The following ZNF575 variants were observed in gnomAD, a reference collection of about 807,000 sequenced individuals.
ZNF575 encodes zinc finger protein 575.
Under a neutral mutation model 17.5 loss-of-function variants are expected in ZNF575, and 17 were observed. The observed-to-expected ratio is 0.97, with a 90% CI of 0.66 to 1.45. The LOEUF (loss-of-function observed/expected upper bound fraction) is 1.45, where lower values mean the gene tolerates loss of function less well. Ranked by LOEUF, ZNF575 falls within the 40% of genes most tolerant of loss-of-function variation. The pLI is 0.00. For synonymous variants in ZNF575, 146 were observed against 158.3 expected, an observed-to-expected ratio of 0.92 and a Z score of 0.58; for missense variants, 352 against 359.2, an observed-to-expected ratio of 0.98 and a Z score of 0.16.
chr19:43,532,187 CCTGA>C (rs113222875), upstream of ZNF575, among the ~76,000 whole-genome samples: 56,733 of 151,004 alleles, frequency 0.38, 11,042 homozygotes, highest in Non-Finnish European at 0.43. Context: ...TGCCACCATG[CCTGA>C]CTAATTTTTG....
intron 1 of ZNF575, 119 bp downstream of exon 1, chr19:43,533,640 C>G (rs1021008149): frequency 6.6e-6 from 1 of 152,460 alleles, no homozygotes; most frequent in African/African-American, 2.4e-5. Context: ...AGGGACTGTG[C>G]ATTGGTGCCA....
At chr19:43,531,941 A>ACTTTTTTTTTTTT (rs1972349756), upstream of ZNF575, 1 of 172,258 alleles carries the variant, frequency 5.8e-6, no homozygotes, top group Non-Finnish European at 1.1e-5. Flanking sequence ...ATTAAGCCAG[A>ACTTTTTTTTTTTT]CTTTTTTTTT....
rs535867757 is a variant in ZNF575, at chr19:43,535,676, G to GA, written c.728dup (p.Arg244GlufsTer25). 1.1e-4 allele frequency: 174 copies of GA among 1,607,154 alleles called. 1 individual carries two copies. The East Asian group carries it at 3.8e-3, about 35-fold the overall frequency. On this transcript the variant is annotated frameshift_variant, in exon 4 of 4. Transcript: ENST00000314228. LOFTEE classifies it high-confidence loss of function. The stretch of plus-strand genomic sequence containing the variant: ...CCACCACCAGGTGGAGCACAAGGGG[G>GA]AGAGAGACTGAGCCCTCCCTTGGCT...
Position 43,534,450 on chromosome 19 carries a change from G to A in ZNF575, c.28G>A (p.Ala10Thr). Residue 10 changes from alanine to threonine, a missense_variant, in exon 3 of 4, where the codon GCC becomes ACC. Ala to Thr is a moderately conservative substitution (Grantham distance 58). Transcript: ENST00000314228. ...GCTGGAGCGAGGCGCGGAGTCCGCG[G>A]CCGGGGCTACCGATCCTAGTCCCAC... is the stretch of plus-strand genomic sequence containing the variant. MLERGAESA[A>T]GATDPSPTGK... 1 of 1,541,918 alleles carries A rather than the reference G, an allele frequency of 6.5e-7. No individual in the cohort carries two copies. The highest frequency in any genetic ancestry group is 1.2e-5 in the South Asian group (1 of 81,698).
chr19:43,531,941 A>ATTTTTTTTTTT (rs1972349585), upstream of ZNF575: 8 of 173,092 alleles, frequency 4.6e-5, no homozygotes, highest in African/African-American at 3.4e-4. Flanking sequence ...ATTAAGCCAG[A>ATTTTTTTTTTT]CTTTTTTTTT....
chr19:43,530,859 C>T (rs1377271461), upstream of ZNF575, among the ~76,000 whole-genome samples: 1 of 152,138 alleles, frequency 6.6e-6, no homozygotes, highest in Non-Finnish European at 1.5e-5. Flanking sequence ...AATTAATGCA[C>T]ATAAGGACAG....
In ZNF575 at chr19:43,535,716, G is replaced by C. The variant is rs1270681642; in HGVS notation, c.*29G>C. The stretch of plus-strand genomic sequence containing the variant: ...CTCCCTTGGCTCACTGTCCCCTTCT[G>C]CCGCCAGCCCTAGCCAGTAAGAGGT... On this transcript the variant is annotated 3_prime_UTR_variant, in exon 4 of 4. Transcript: ENST00000314228. 1 of 1,559,996 alleles carries C rather than the reference G, an allele frequency of 6.4e-7. No individual in the cohort carries two copies. The highest frequency in any genetic ancestry group is 8.7e-7 in the Non-Finnish European group (1 of 1,152,218).
Position 43,535,957 on chromosome 19 carries a change from G to A in ZNF575, c.*270G>A, listed in dbSNP as rs888166197. ...CACACTTACATGGCAAAGGTAAAAA[G>A]TCTGCTACTATCGTGGGTTGATGAG... On this transcript the variant is annotated 3_prime_UTR_variant, in exon 4 of 4. Coordinates refer to ENST00000314228, the MANE Select transcript of ZNF575 (RefSeq NM_174945.3). 1.4e-5 allele frequency: 7 copies of A among 492,228 alleles called. No homozygotes were observed. The Admixed American group carries it at 2.5e-4, about 17-fold the overall frequency. 30.5% of individuals were successfully genotyped at this position (492,228 alleles called of 1,614,324 possible).
chr19:43,535,189 G>A lies in ZNF575; in HGVS notation c.240G>A (p.Thr80=). The part of the protein sequence containing the change: ...KAFSYPSKLA[T]HRLAHGGARP... ...TCTCGTACCCGTCCAAGCTGGCCAC[G>A]CACCGCTTAGCACACGGAGGCGCCC... is the stretch of plus-strand genomic sequence containing the variant. The change falls in exon 4 of 4, where the codon ACG becomes ACA. Residue 80 remains threonine, a synonymous_variant. Coordinates refer to ENST00000314228, the MANE Select transcript of ZNF575 (RefSeq NM_174945.3). 2 of 1,607,992 alleles carry A rather than the reference G, an allele frequency of 1.2e-6. No individual in the cohort carries two copies. The highest frequency in any genetic ancestry group is 2.2e-5 in the East Asian group (1 of 44,650).
Position 43,534,510 on chromosome 19 carries a change from G to C in ZNF575, c.79+9G>C, listed in dbSNP as rs1972387395. On this transcript the variant is annotated intron_variant, in intron 3 of 3. Transcript: ENST00000314228. ...ACCAGTGACCAAAGAAGGTGAGAGT[G>C]CCCCGCCTGTGAGTAGGGAGCATTC... is the stretch of plus-strand genomic sequence containing the variant. 2.8e-6 allele frequency: 4 copies of C among 1,434,996 alleles called. 1 individual carries two copies. Among genetic ancestry groups the C allele is most frequent in the African/African-American group, 3.0e-5 (2 of 67,736 alleles). 88.9% of individuals were successfully genotyped at this position (1,434,996 alleles called of 1,614,324 possible).
At position 43,533,479 on chromosome 19, in the gene ZNF575, G is replaced by A. The variant is rs1466100742; in HGVS notation, c.-237G>A. 3 of 151,944 alleles carry A rather than the reference G, an allele frequency of 2.0e-5. No individual in the cohort carries two copies. Among genetic ancestry groups the A allele is most frequent in the Non-Finnish European group, 4.4e-5 (3 of 68,038 alleles). The allele number at this position is 151,944 out of a possible 1,614,324, so 9.4% of individuals were successfully genotyped here. ...GCGGCTGCGGCCGTGGCCGTGGCGG[G>A]AGGAGCCGGAAGCCCCGCCCCCGGG... is the stretch of plus-strand genomic sequence containing the variant. On this transcript the variant is annotated 5_prime_UTR_variant, in exon 1 of 4. Transcript: ENST00000314228.
chr19:43,535,942 T>G lies in ZNF575; in HGVS notation c.*255T>G. ...CTCTGCTTCTCCCCACACACTTACA[T>G]GGCAAAGGTAAAAAGTCTGCTACTA... On this transcript the variant is annotated 3_prime_UTR_variant, in exon 4 of 4. Coordinates refer to ENST00000314228, the MANE Select transcript of ZNF575 (RefSeq NM_174945.3). The G allele has an allele frequency of 1.9e-6, 1 of 520,726 alleles. No homozygotes were observed. The allele number at this position is 520,726 out of a possible 1,614,324, so 32.3% of individuals were successfully genotyped here.
In ZNF575 at chr19:43,533,222, C is replaced by G. The variant is rs1972364929; in HGVS notation, c.-494C>G. 6.6e-6 allele frequency: 1 copy of G among 152,328 alleles called. No individual in the cohort carries two copies. Among genetic ancestry groups the G allele is most frequent in the Non-Finnish European group, 1.5e-5 (1 of 68,120 alleles). The allele number at this position is 152,328 out of a possible 1,614,324, so 9.4% of individuals were successfully genotyped here. On this transcript the variant is annotated 5_prime_UTR_variant, in exon 1 of 4. Coordinates refer to ENST00000314228, the MANE Select transcript of ZNF575 (RefSeq NM_174945.3). Reference sequence around the variant, plus strand: ...CTTGCTCACGAACTTGCCTGCCTGGCTGGCGCACCCAGCCCCTCCTTCCAT... The same window carrying G: ...CTTGCTCACGAACTTGCCTGCCTGGGTGGCGCACCCAGCCCCTCCTTCCAT...
At chr19:43,530,922 A>C (rs1471133060), upstream of ZNF575, among the ~76,000 whole-genome samples, 1 of 152,134 alleles carries the variant, frequency 6.6e-6, no homozygotes, top group Non-Finnish European at 1.5e-5. Flanking sequence ...ATATATAACA[A>C]TACCCTCACT....
intron 2 of ZNF575, chr19:43,534,130 G>A (rs1972380623): frequency 1.3e-5 from 6 of 465,908 alleles, no homozygotes; most frequent in Non-Finnish European, 1.1e-5. Flanking sequence ...CGCTTAAGAC[G>A]GCCGCTGAGT....
chr19:43,532,088 G>T (rs923700979), upstream of ZNF575, among the ~76,000 whole-genome samples: 6 of 151,780 alleles, frequency 4.0e-5, no homozygotes, highest in African/African-American at 1.5e-4. Context: ...GAGTGCAGTG[G>T]CTTGATCTTG....
At chr19:43,531,916 G>A (rs1972349293), upstream of ZNF575, 2 of 500,074 alleles carry the variant, frequency 4.0e-6, no homozygotes, top group Non-Finnish European at 7.2e-6. Flanking sequence ...GAAATAGCTG[G>A]GACTACAGGC....
upstream of ZNF575, chr19:43,533,001 G>C (rs73935006): frequency 6.7e-6 from 1 of 150,328 alleles, no homozygotes; most frequent in Non-Finnish European, 1.5e-5. Flanking sequence ...AGAATTAGCA[G>C]CGAGCTCTTG....
At chr19:43,534,526 G>A in intron 3 of ZNF575, 25 bp downstream of exon 3, 2 of 1,422,014 alleles carry the variant, frequency 1.4e-6, no homozygotes, top group South Asian at 1.6e-5. Flanking sequence ...CCTGTGAGTA[G>A]GGAGCATTCT....
Sources: gnomAD v4.1 joint callset for allele counts (sites outside exome capture counted in the v4.1 genomes callset) on GRCh38, gnomAD v4.1.1 for gene constraint, MANE v1.5 for transcripts, NCBI Gene and HGNC (gene_info 2026-07-23, HGNC 2026-07-21) for gene names.